Variants in RNGTT observed in about 807,000 individuals in gnomAD.
RNGTT encodes RNA guanylyltransferase and 5'-phosphatase.
A neutral mutation model predicts 79.3 loss-of-function variants in RNGTT; 33 were observed. The observed-to-expected ratio is 0.42, with a 90% CI of 0.32 to 0.56. The LOEUF is 0.56. Among genes scored for constraint, RNGTT ranks in the 20% least tolerant of loss-of-function variants. The probability of loss-of-function intolerance (pLI) is 0.17; values close to 1 mark genes in which losing one functional copy is unlikely to be tolerated. For synonymous variants in RNGTT, 222 were observed against 235.9 expected (o/e 0.94, Z 0.54); for missense variants, 497 against 739.1 (o/e 0.67, Z 3.80).
intron 11 of RNGTT, among the ~76,000 whole-genome samples, chr6:88,826,723 C>T (rs1007405624): frequency 2.0e-5 from 3 of 148,138 alleles, no homozygotes; most frequent in Non-Finnish European, 4.4e-5. Context: ...GCAGAGGTTG[C>T]GATGAGCCAA....
At chr6:88,917,964 T>C (rs1215813425) in intron 4 of RNGTT, among the ~76,000 whole-genome samples, 1 of 151,992 alleles carries the variant, frequency 6.6e-6, no homozygotes, top group Non-Finnish European at 1.5e-5. Context: ...GTAAAGGAAA[T>C]TTTCTAAGTT....
rs771383523 is a variant in RNGTT, at chr6:88,953,099, GC to G, written c.64+10246del. Among the ~76,000 whole-genome samples the G allele has an allele frequency of 6.0e-4, 92 of 152,144 alleles. 1 individual carries two copies. The highest frequency in any genetic ancestry group is 2.0e-3 in the Admixed American group (31 of 15,276). On this transcript the variant is annotated intron_variant, in intron 1 of 15. Coordinates refer to ENST00000369485, the MANE Select transcript of RNGTT (RefSeq NM_003800.5). ...CCCCAAAAATCATACTAGCTCCCCAGCAATGGATCCAAACCAGGAAGAAATT... is the reference window on the plus strand; with the variant it reads ...CCCCAAAAATCATACTAGCTCCCCAGAATGGATCCAAACCAGGAAGAAATT...
chr6:88,851,689 C>CA, intron 9 of RNGTT, among the ~76,000 whole-genome samples: 1 of 151,786 alleles, frequency 6.6e-6, no homozygotes, highest in Non-Finnish European at 1.5e-5. Flanking sequence ...GACAGTCAGA[C>CA]AATTAGGTGG....
chr6:88,614,167 A>ATTGTT, intron 15 of RNGTT, 105 bp downstream of exon 15: 1 of 1,068,728 alleles, frequency 9.4e-7, no homozygotes, highest in Non-Finnish European at 1.4e-6. Context: ...TGAAGTCCAA[A>ATTGTT]TGACTATGCC....
At chr6:88,646,061 C>T (rs1038322496) in intron 14 of RNGTT, among the ~76,000 whole-genome samples, 2 of 152,190 alleles carry the variant, frequency 1.3e-5, no homozygotes, top group Admixed American at 1.3e-4. Context: ...TCAGAGCGAA[C>T]AGGCAACCTA....
chr6:88,630,784 T>G (rs929544719), intron 14 of RNGTT, among the ~76,000 whole-genome samples: 2 of 152,164 alleles, frequency 1.3e-5, no homozygotes, highest in Middle Eastern at 3.2e-3. Flanking sequence ...CATTTCCTTC[T>G]GTGAATTTTG....
chr6:88,643,822 A>C (rs1234261099), intron 14 of RNGTT, among the ~76,000 whole-genome samples: 3 of 152,238 alleles, frequency 2.0e-5, no homozygotes, highest in African/African-American at 7.2e-5. Flanking sequence ...AAGACACAAC[A>C]TACCAGAATC....
rs1778594647 is a variant in RNGTT at position 88,769,986 on chromosome 6, A to T, written c.1339-112T>A. ...AAGCAAAATTACTTCTTTTCTAAAC[A>T]TAATTTTAATCTTCAACCAACAAGT... is the stretch of plus-strand genomic sequence containing the variant. On this transcript the variant is annotated intron_variant, in intron 12 of 15. Transcript: ENST00000369485. 1.8e-5 allele frequency: 12 copies of T among 653,836 alleles called. No individual in the cohort carries two copies. The East Asian group carries it at 3.3e-4, about 18-fold the overall frequency. 40.5% of individuals were successfully genotyped at this position (653,836 alleles called of 1,614,324 possible).
intron 11 of RNGTT, among the ~76,000 whole-genome samples, chr6:88,812,843 A>C (rs961019570): frequency 6.6e-6 from 1 of 152,218 alleles, no homozygotes; most frequent in Non-Finnish European, 1.5e-5. Flanking sequence ...AGAGATGCTT[A>C]AAGACTTCTA....
Position 88,718,586 on chromosome 6 carries a change from G to T in RNGTT, c.1440-40167C>A, listed in dbSNP as rs967915803. ...AATGACAAGACTATATCATAAAAAT[G>T]AGTTCATATAAGAAAAAAATGGGTA... On this transcript the variant is annotated intron_variant, in intron 13 of 15. Coordinates refer to ENST00000369485, the MANE Select transcript of RNGTT (RefSeq NM_003800.5). Among the ~76,000 whole-genome samples, 43 of 152,002 alleles carry T rather than the reference G, an allele frequency of 2.8e-4. 3 individuals are homozygous for T. Among genetic ancestry groups the T allele is most frequent in the Non-Finnish European group, 1.5e-5 (1 of 68,004 alleles).
At chr6:88,763,748 G>A (rs1472000247) in intron 13 of RNGTT, among the ~76,000 whole-genome samples, 3 of 152,154 alleles carry the variant, frequency 2.0e-5, no homozygotes. Context: ...ATTTCTAGGG[G>A]TCCAATGGTT....
In RNGTT at chr6:88,963,529, AT is replaced by A; in HGVS notation, c.-121del. 7 of 924,704 alleles carry A rather than the reference AT, an allele frequency of 7.6e-6. No individual in the cohort carries two copies. The highest frequency in any genetic ancestry group is 1.1e-5 in the Non-Finnish European group (7 of 647,342). The allele number at this position is 924,704 out of a possible 1,614,324, so 57.3% of individuals were successfully genotyped here. Reference sequence around the variant, plus strand: ...CACCCGAATCGCAGCCGTAATCTGAATTCCAACCTCTCCGATCCGGGTAACG... The same window carrying A: ...CACCCGAATCGCAGCCGTAATCTGAATCCAACCTCTCCGATCCGGGTAACG... On this transcript the variant is annotated 5_prime_UTR_variant, in exon 1 of 16. Coordinates refer to ENST00000369485, the MANE Select transcript of RNGTT (RefSeq NM_003800.5).
chr6:88,787,292 T>A (rs1779258505), intron 12 of RNGTT, among the ~76,000 whole-genome samples: 1 of 152,154 alleles, frequency 6.6e-6, no homozygotes, highest in Non-Finnish European at 1.5e-5. Context: ...AATGTTGGTT[T>A]CCTGAGAAAT....
chr6:88,941,724 C>T (rs1360173795), intron 1 of RNGTT, among the ~76,000 whole-genome samples: 5 of 149,446 alleles, frequency 3.3e-5, no homozygotes, highest in East Asian at 3.9e-4. Context: ...AGTGCAGTGG[C>T]GCAATCTCGG....
chr6:88,787,588 G>A lies in RNGTT; in HGVS notation c.1338+13976C>T, dbSNP rs12196560. ...GCTGGAGAATTGCTTGAACCCAGGA[G>A]GCTGAGGTTGCAGTGAGCCCAGATC... On this transcript the variant is annotated intron_variant, in intron 12 of 15. Transcript: ENST00000369485. 5.8e-3 allele frequency among the ~76,000 whole-genome samples: 882 copies of A among 152,234 alleles called. 8 individuals are homozygous for A. The highest frequency in any genetic ancestry group is 0.02 in the South Asian group (97 of 4,826).
chr6:88,676,074 G>A (rs1774864009), intron 14 of RNGTT, among the ~76,000 whole-genome samples: 1 of 152,070 alleles, frequency 6.6e-6, no homozygotes, highest in Non-Finnish European at 1.5e-5. Flanking sequence ...AAATTCATAT[G>A]GAAATGAAAG....
chr6:88,808,746 C>T (rs1002423858), intron 11 of RNGTT, among the ~76,000 whole-genome samples: 1 of 152,018 alleles, frequency 6.6e-6, no homozygotes, highest in Admixed American at 6.6e-5. Flanking sequence ...CCCATCTCTA[C>T]AAAAAATATT....
rs73506520 is a variant in RNGTT at position 88,893,728 on chromosome 6, A to G, written c.685-1813T>C. 4.6e-3 allele frequency among the ~76,000 whole-genome samples: 705 copies of G among 152,216 alleles called. 3 individuals are homozygous for G. The highest frequency in any genetic ancestry group is 0.016 in the African/African-American group (675 of 41,572). ...ATCCATTTATTGTTCTTCTTCCTTA[A>G]TCTTTCCTACCATGCATCAACTTCT... is the stretch of plus-strand genomic sequence containing the variant. On this transcript the variant is annotated intron_variant, in intron 6 of 15. Coordinates refer to ENST00000369485, the MANE Select transcript of RNGTT (RefSeq NM_003800.5).
intron 13 of RNGTT, among the ~76,000 whole-genome samples, chr6:88,691,497 A>T (rs1028978221): frequency 6.6e-6 from 1 of 152,202 alleles, no homozygotes; most frequent in South Asian, 2.1e-4. Flanking sequence ...GCAAACACTA[A>T]TTTTACAGAT....
Sources: gnomAD v4.1 joint callset for allele counts (sites outside exome capture counted in the v4.1 genomes callset) on GRCh38, gnomAD v4.1.1 for gene constraint, MANE v1.5 for transcripts, NCBI Gene and HGNC (gene_info 2026-07-23, HGNC 2026-07-21) for gene names.